The following CATSPERB variants were observed in gnomAD, a reference collection of about 807,000 sequenced individuals.
The protein encoded by CATSPERB is catsper channel auxiliary subunit beta, also known as cation channel sperm-associated auxiliary subunit beta.
In CATSPERB, 93 loss-of-function variants were observed where a neutral mutation model predicts 128.3. The ratio of observed to expected loss-of-function variants is 0.72; its 90% CI spans 0.61 to 0.86. CATSPERB has a LOEUF of 0.86. Ranked by LOEUF, CATSPERB falls within the 40% of genes least tolerant of loss-of-function variation. CATSPERB has a pLI of 0.00. For synonymous variants in CATSPERB, 381 were observed against 448.8 expected (o/e 0.85, Z 1.91); for missense variants, 1,153 against 1,329.5 (o/e 0.87, Z 2.06).
At position 91,672,022 on chromosome 14, in the gene CATSPERB, A is replaced by AAACAACAACAACAACAACAAC. The variant is rs35442642; in HGVS notation, c.1128+824_1128+844dup. ...GCAACAGAGGGAGACTCTGTCTCAA[A>AAACAACAACAACAACAACAAC]AACAACAACAACAACAACAACAACA... is the stretch of plus-strand genomic sequence containing the variant. On this transcript the variant is annotated intron_variant, in intron 13 of 26. Transcript: ENST00000256343. Among the ~76,000 whole-genome samples the AAACAACAACAACAACAACAAC allele has an allele frequency of 4.5e-3, 670 of 150,132 alleles. 6 individuals carry two copies. The highest frequency in any genetic ancestry group is 0.016 in the African/African-American group (648 of 40,856).
chr14:91,636,651 A>G, intron 16 of CATSPERB, 72 bp from the exon 17 acceptor site: 1 of 1,318,272 alleles, frequency 7.6e-7, no homozygotes, highest in Non-Finnish European at 1.0e-6. Context: ...TTGAAGTCAC[A>G]GATTTATTTC....
At chr14:91,663,535 C>T (rs971202334) in intron 14 of CATSPERB, among the ~76,000 whole-genome samples, 2 of 150,178 alleles carry the variant, frequency 1.3e-5, no homozygotes, top group Non-Finnish European at 1.5e-5. Flanking sequence ...GTCCCAGCTA[C>T]TTGGGAGGCT....
chr14:91,713,822 T>C (rs1311889358), intron 5 of CATSPERB, among the ~76,000 whole-genome samples: 1 of 152,292 alleles, frequency 6.6e-6, no homozygotes, highest in South Asian at 2.1e-4. Context: ...ACTCATTTTA[T>C]AATGACAACC....
rs1595145235 is a variant in CATSPERB at position 91,610,477 on chromosome 14, TACCGGCAAAG to T, written c.2591_2598+2del. 4 of 1,608,250 alleles carry T rather than the reference TACCGGCAAAG, an allele frequency of 2.5e-6. No individual in the cohort carries two copies. The highest frequency in any genetic ancestry group is 3.4e-5 in the Admixed American group (2 of 58,818). On this transcript the variant is annotated splice_donor_variant and coding_sequence_variant, in exon 21 of 27. Coordinates refer to ENST00000256343, the MANE Select transcript of CATSPERB (RefSeq NM_024764.4). LOFTEE classifies it high-confidence loss of function. Reference sequence around the variant, plus strand: ...ACCAATATACTTAGATTTTTTTTTTTACCGGCAAAGTTTTGATGAGGTTAAAACCCTGACT... The same window carrying T: ...ACCAATATACTTAGATTTTTTTTTTTTTTTGATGAGGTTAAAACCCTGACT...
intron 10 of CATSPERB, among the ~76,000 whole-genome samples, chr14:91,687,692 C>A (rs1895398618): frequency 6.6e-6 from 1 of 152,142 alleles, no homozygotes; most frequent in Admixed American, 6.6e-5. Flanking sequence ...CGGTGACTCA[C>A]GCCTGTAATC....
chr14:91,587,477 CT>C (rs3029803), intron 25 of CATSPERB, among the ~76,000 whole-genome samples: 47 of 101,534 alleles, frequency 4.6e-4, no homozygotes, highest in Non-Finnish European at 4.9e-4. Flanking sequence ...ATAGCTGATA[CT>C]TTTTTTTTTT....
At chr14:91,680,462 C>T (rs982692298) in intron 11 of CATSPERB, among the ~76,000 whole-genome samples, 1 of 152,196 alleles carries the variant, frequency 6.6e-6, no homozygotes, top group African/African-American at 2.4e-5. Context: ...TATAGCAGCC[C>T]AATGCATAAA....
chr14:91,686,161 T>C (rs759333707), intron 10 of CATSPERB, among the ~76,000 whole-genome samples: 6 of 152,194 alleles, frequency 3.9e-5, no homozygotes, highest in Non-Finnish European at 8.8e-5. Flanking sequence ...TCACTCTTTC[T>C]CTTACTCTGC....
chr14:91,606,479 C>T (rs533958654), intron 22 of CATSPERB, among the ~76,000 whole-genome samples: 262 of 152,246 alleles, frequency 1.7e-3, no homozygotes, highest in African/African-American at 6.1e-3. Context: ...AGGAGAATCG[C>T]TTGAACCCCT....
intron 14 of CATSPERB, among the ~76,000 whole-genome samples, chr14:91,666,959 G>C (rs563014573): frequency 6.6e-5 from 10 of 152,278 alleles, no homozygotes; most frequent in Non-Finnish European, 1.2e-4. Flanking sequence ...ATATATTGAT[G>C]GAAGTTCATT....
chr14:91,649,481 T>G (rs150012599), intron 15 of CATSPERB, among the ~76,000 whole-genome samples: 105 of 149,626 alleles, frequency 7.0e-4, no homozygotes, highest in African/African-American at 2.5e-3. Context: ...TTTTGCTTTT[T>G]AAGACTTGTA....
At chr14:91,624,422 T>C (rs960961684) in intron 18 of CATSPERB, among the ~76,000 whole-genome samples, 2 of 152,250 alleles carry the variant, frequency 1.3e-5, no homozygotes, top group Non-Finnish European at 2.9e-5. Flanking sequence ...AGGCGGAGGT[T>C]GCAGTGAGCT....
chr14:91,701,690 A>T lies in CATSPERB; in HGVS notation c.616+2862T>A, dbSNP rs111967949. On this transcript the variant is annotated intron_variant, in intron 7 of 26. Transcript: ENST00000256343. ...AAATTGGAGTACATGGGGCTGCTGC[A>T]TAGCTGTTCCCACCATTAACTCCAT... Among the ~76,000 whole-genome samples, 309 of 152,292 alleles carry T rather than the reference A, an allele frequency of 2.0e-3. 2 individuals are homozygous for T. The highest frequency in any genetic ancestry group is 7.2e-3 in the African/African-American group (300 of 41,558).
At chr14:91,594,650 G>A (rs1158286588) in intron 22 of CATSPERB, among the ~76,000 whole-genome samples, 1 of 152,074 alleles carries the variant, frequency 6.6e-6, no homozygotes, top group Admixed American at 6.5e-5. Context: ...TGTAAAAATG[G>A]ACTAATACAA....
At chr14:91,599,545 C>CAAAAAA (rs36175924) in intron 22 of CATSPERB, among the ~76,000 whole-genome samples, 13 of 113,926 alleles carry the variant, frequency 1.1e-4, no homozygotes, top group Non-Finnish European at 1.6e-4. Context: ...GGCGGCAGAG[C>CAAAAAA]AAAAAAAAAA....
chr14:91,724,694 A>G (rs1216296475), intron 3 of CATSPERB, among the ~76,000 whole-genome samples: 2 of 152,140 alleles, frequency 1.3e-5, no homozygotes, highest in African/African-American at 4.8e-5. Flanking sequence ...CAAAATGACA[A>G]CTTCAATGTG....
At chr14:91,680,026 C>T (rs1180899453) in intron 11 of CATSPERB, among the ~76,000 whole-genome samples, 1 of 152,132 alleles carries the variant, frequency 6.6e-6, no homozygotes, top group Non-Finnish European at 1.5e-5. Flanking sequence ...CAGACAAAGG[C>T]AACAATCAAA....
At chr14:91,657,109 T>C (rs2139819098) in intron 15 of CATSPERB, among the ~76,000 whole-genome samples, 1 of 152,090 alleles carries the variant, frequency 6.6e-6, no homozygotes. Flanking sequence ...TGATTTTCTG[T>C]CTGGACAGGT....
At chr14:91,638,400 CT>C (rs34399837) in intron 16 of CATSPERB, among the ~76,000 whole-genome samples, 14,469 of 145,490 alleles carry the variant, frequency 0.099, 724 homozygotes, top group Middle Eastern at 0.17. Context: ...GCTCATGTTC[CT>C]TTTTTTTTTT....
Sources: allele counts gnomAD v4.1 joint callset (sites outside exome capture counted in the v4.1 genomes callset), GRCh38; gene constraint gnomAD v4.1.1; transcripts MANE v1.5; gene names NCBI Gene and HGNC (gene_info 2026-07-23, HGNC 2026-07-21).